GTPBP6: variants seen among roughly 807,000 people sequenced by gnomAD.
GTPBP6 encodes the protein GTP binding protein 6.
A neutral mutation model predicts 28.9 loss-of-function variants in GTPBP6; 33 were observed. That is an observed-to-expected ratio of 1.14 (90% CI 0.87 to 1.53). The LOEUF (loss-of-function observed/expected upper bound fraction) is 1.53. GTPBP6 is among the 40% of genes most tolerant of loss of function. The pLI is 0.00. For missense variants in GTPBP6, 507 were observed against 408.3 expected (o/e 1.24, Z -2.08); for synonymous variants, 231 against 192.7 (o/e 1.20, Z -1.65).
At chrX:314,664 G>C (rs1184057250) in intron 4 of GTPBP6, among the ~76,000 whole-genome samples, 1 of 151,996 alleles carries the variant, frequency 6.6e-6, no homozygotes, top group Non-Finnish European at 1.5e-5. Context: ...TTTTAGTACA[G>C]ACGGGGTTTC....
At chrX:314,446 C>T (rs766567925) in intron 4 of GTPBP6, among the ~76,000 whole-genome samples, 157 of 151,560 alleles carry the variant, frequency 1.0e-3, no homozygotes, top group African/African-American at 3.6e-3. Context: ...CAACGGGCCC[C>T]GGAGAGAGAG....
intron 6 of GTPBP6, chrX:312,034 C>T: frequency 2.2e-6 from 1 of 463,508 alleles, no homozygotes; most frequent in Non-Finnish European, 4.2e-6. Context: ...ATAGATACGG[C>T]AGTGGTGCCG....
chrX:310,655 G>A (rs1444289222), intron 7 of GTPBP6, among the ~76,000 whole-genome samples: 1 of 151,384 alleles, frequency 6.6e-6, no homozygotes, highest in Non-Finnish European at 1.5e-5. Context: ...GCCACAGACA[G>A]AGGCAGAGAC....
In GTPBP6 at chrX:314,519, C is replaced by T. The variant is rs775166810; in HGVS notation, c.690-302G>A. Reference sequence around the variant, plus strand: ...ACGGAGTCTCGCTCTGTCACCCAGGCTGGAGTGCAGTGGCGTGATCTCGGC... The same window carrying T: ...ACGGAGTCTCGCTCTGTCACCCAGGTTGGAGTGCAGTGGCGTGATCTCGGC... On this transcript the variant is annotated intron_variant, in intron 4 of 9. Coordinates refer to ENST00000326153, the Ensembl canonical transcript of GTPBP6. Among the ~76,000 whole-genome samples, 776 of 151,546 alleles carry T rather than the reference C, an allele frequency of 5.1e-3. 6 individuals are homozygous for T. The highest frequency in any genetic ancestry group is 0.021 in the Middle Eastern group (6 of 290).
chrX:307,705 GC>G, intron 8 of GTPBP6, 26 bp downstream of exon 8: 2 of 1,460,494 alleles, frequency 1.4e-6, no homozygotes, highest in Admixed American at 5.4e-5. Context: ...GGAAGGAGAC[GC>G]TTGCGGACCC....
rs146112808 is a variant in GTPBP6, at chrX:307,369, G to A, written c.1418C>T (p.Ala473Val). 2,134 of 1,612,054 alleles carry A rather than the reference G, an allele frequency of 1.3e-3. 20 individuals carry two copies. The African/African-American group carries it at 0.025, about 19-fold the overall frequency. The change falls in exon 9 of 10, where the codon GCG becomes GTG. Residue 473 changes from alanine to valine, a missense_variant. By Grantham distance (64) the Ala-to-Val change is moderately conservative (BLOSUM62 0). Transcript: ENST00000326153. ...CCTGCAGGCCGCTCACCTGAGCTGC[G>A]CCCCTGCGAGCCTCACACGGAGAGT...
intron 7 of GTPBP6, among the ~76,000 whole-genome samples, chrX:310,481 CATCTGGAACCTGTGAATGGGACATT>C (rs1202598224): frequency 7.7e-6 from 1 of 130,696 alleles, no homozygotes. Flanking sequence ...ATGTATTGAT[CATCTGGAACCTGTGAATGGGACATT>C]ATTTGGAAAC....
intron 6 of GTPBP6, 139 bp from the exon 7 acceptor site, chrX:311,766 G>A (rs1266269120): frequency 5.6e-6 from 4 of 709,898 alleles, no homozygotes; most frequent in African/African-American, 1.8e-5. Flanking sequence ...GAGCTCCTCG[G>A]GCACCCCGGG....
In GTPBP6 at chrX:312,910, G is replaced by A; in HGVS notation, c.772C>T (p.Gln258Ter). ...TCTCTCAGGAGACGCTGCTGCAGCT[G>A]CATGAAGGATTCTCCTAAAAGACAC... is the stretch of plus-strand genomic sequence containing the variant. Residue 258 changes from glutamine to a stop codon, truncating the protein, a stop_gained, in exon 6 of 10, where the codon CAG (glutamine) becomes TAG (stop). Coordinates refer to ENST00000326153, the Ensembl canonical transcript of GTPBP6. LOFTEE classifies it high-confidence loss of function. The A allele has an allele frequency of 1.2e-6, 2 of 1,612,106 alleles. No homozygotes were observed. Among genetic ancestry groups the A allele is most frequent in the Non-Finnish European group, 1.7e-6 (2 of 1,179,174 alleles).
intron 1 of GTPBP6, among the ~76,000 whole-genome samples, chrX:317,605 C>G (rs2124480241): frequency 6.6e-6 from 1 of 151,374 alleles, no homozygotes; most frequent in Non-Finnish European, 1.5e-5. Context: ...GGACGCCCTC[C>G]CTTCCCTGAC....
chrX:316,688 C>T (rs1363144218), intron 2 of GTPBP6, among the ~76,000 whole-genome samples: 6 of 152,106 alleles, frequency 3.9e-5, no homozygotes, highest in Non-Finnish European at 7.4e-5. Flanking sequence ...TAATCTTTAC[C>T]AGTTTAAGTC....
At chrX:309,505 G>A (rs1308886639) in intron 7 of GTPBP6, among the ~76,000 whole-genome samples, 1 of 152,136 alleles carries the variant, frequency 6.6e-6, no homozygotes, top group Non-Finnish European at 1.5e-5. Flanking sequence ...GAAGAGAAGG[G>A]GACCTTGCTT....
At chrX:307,219 G>T (rs1471411435) in intron 9 of GTPBP6, 141 bp downstream of exon 9, 2 of 720,932 alleles carry the variant, frequency 2.8e-6, no homozygotes, top group Non-Finnish European at 2.2e-6. Flanking sequence ...TACATTTGAT[G>T]CAAACCCATT....
exon 10 of GTPBP6, chrX:305,151 C>T (rs2070128705): frequency 1.2e-6 from 2 of 1,613,704 alleles, no homozygotes; most frequent in African/African-American, 1.3e-5. Context: ...GCCCCGTCCT[C>T]AGGGATCACG....
At chrX:314,174 C>G (rs182014484) in exon 5 of GTPBP6, 1,046 of 1,613,176 alleles carry the variant, frequency 6.5e-4, no homozygotes, top group Admixed American at 8.2e-4. Flanking sequence ...TAGCGCGAGC[C>G]GACTCCTCGG....
exon 5 of GTPBP6, chrX:314,175 G>T (rs377299944): frequency 6.2e-7 from 1 of 1,613,016 alleles, no homozygotes; most frequent in Non-Finnish European, 8.5e-7. Flanking sequence ...AGCGCGAGCC[G>T]ACTCCTCGGT....
At position 309,163 on chromosome X, in the gene GTPBP6, G is replaced by A. The variant is rs754506108; in HGVS notation, c.1126-1283C>T. On this transcript the variant is annotated intron_variant, in intron 7 of 9. Transcript: ENST00000326153. ...CTCCCTCAGGGCAAAAAACAAAGCC[G>A]TAGCCTGAATGTGACAATCTCACAC... is the stretch of plus-strand genomic sequence containing the variant. Among the ~76,000 whole-genome samples the A allele has an allele frequency of 2.0e-5, 3 of 152,326 alleles. No homozygotes were observed. In the South Asian group the frequency reaches 6.2e-4, roughly 32 times the overall value.
At chrX:309,178 C>T (rs1357782165) in intron 7 of GTPBP6, among the ~76,000 whole-genome samples, 11 of 152,184 alleles carry the variant, frequency 7.2e-5, no homozygotes, top group African/African-American at 2.4e-5. Flanking sequence ...CTGAATGTGA[C>T]AATCTCACAC....
chrX:318,092 C>T (rs1473928215), intron 1 of GTPBP6, among the ~76,000 whole-genome samples: 2 of 150,842 alleles, frequency 1.3e-5, no homozygotes, highest in African/African-American at 2.4e-5. Flanking sequence ...AGCTCTTCCC[C>T]TCAAAGCCCC....
Sources: gnomAD v4.1 joint callset for allele counts (sites outside exome capture counted in the v4.1 genomes callset) on GRCh38, gnomAD v4.1.1 for gene constraint, MANE v1.5 for transcripts, NCBI Gene and HGNC (gene_info 2026-07-23, HGNC 2026-07-21) for gene names.